GRIA3: variants seen among roughly 807,000 people sequenced by gnomAD.
The protein encoded by GRIA3 is glutamate ionotropic receptor AMPA type subunit 3.
In GRIA3, 3 loss-of-function variants were observed where a neutral mutation model predicts 63.0. The observed-to-expected ratio is 0.05, with a 90% confidence interval of 0.02 to 0.12. The LOEUF is 0.12. Ranked by LOEUF, GRIA3 falls within the 10% of genes least tolerant of loss-of-function variation. The pLI is 1.00. For synonymous variants in GRIA3, 274 were observed against 257.9 expected (o/e 1.06, Z -0.60); for missense variants, 347 against 700.9 (o/e 0.50, Z 5.70).
chrX:123,308,571 G>A (rs971675585), intron 3 of GRIA3, among the ~76,000 whole-genome samples: 1 of 111,841 alleles, frequency 8.9e-6, no homozygotes, highest in Non-Finnish European at 1.9e-5. Context: ...TTCATATTAA[G>A]GCTAAAAGAA....
intron 3 of GRIA3, among the ~76,000 whole-genome samples, chrX:123,273,074 T>C (rs890385195): frequency 1.8e-5 from 2 of 111,803 alleles, no homozygotes; most frequent in Non-Finnish European, 3.8e-5. Flanking sequence ...GGATCAGTCG[T>C]TGGCAAAATG....
chrX:123,223,293 G>T (rs1029737531), intron 2 of GRIA3, among the ~76,000 whole-genome samples: 1 of 112,732 alleles, frequency 8.9e-6, no homozygotes, highest in African/African-American at 3.2e-5. Flanking sequence ...AGATACGCAG[G>T]AGTTTTATAA....
intron 3 of GRIA3, among the ~76,000 whole-genome samples, chrX:123,262,838 G>A (rs1162758831): frequency 2.7e-5 from 3 of 111,143 alleles, no homozygotes; most frequent in Non-Finnish European, 5.7e-5. Flanking sequence ...CCACAGAACT[G>A]CCTCCCCTAG....
chrX:123,426,375 C>G (rs1311560879), intron 11 of GRIA3, among the ~76,000 whole-genome samples: 1 of 111,912 alleles, frequency 8.9e-6, no homozygotes, highest in Non-Finnish European at 1.9e-5. Context: ...TGGTCCCTGT[C>G]TCTGAGGAAC....
intron 10 of GRIA3, among the ~76,000 whole-genome samples, chrX:123,411,976 A>C (rs2045509143): frequency 9.0e-6 from 1 of 111,360 alleles, no homozygotes; most frequent in African/African-American, 3.3e-5. Context: ...GTTGAGTCAG[A>C]ATTTCACCTA....
intron 3 of GRIA3, among the ~76,000 whole-genome samples, chrX:123,260,600 T>A (rs950606345): frequency 3.8e-5 from 4 of 106,223 alleles, no homozygotes; most frequent in Non-Finnish European, 7.8e-5. Flanking sequence ...CTTTAAGAAC[T>A]GATTAAAAGA....
At chrX:123,319,814 A>AG (rs1471322395) in intron 3 of GRIA3, among the ~76,000 whole-genome samples, 4 of 84,725 alleles carry the variant, frequency 4.7e-5, no homozygotes, top group Non-Finnish European at 2.5e-5. Context: ...AGAACACCTC[A>AG]GGAAAAAAAA....
At chrX:123,391,994 C>T (rs1455952784) in intron 5 of GRIA3, among the ~76,000 whole-genome samples, 4 of 111,893 alleles carry the variant, frequency 3.6e-5, no homozygotes, top group Non-Finnish European at 7.5e-5. Context: ...GGAGTAGAGC[C>T]AGGCCATCTG....
chrX:123,232,309 G>C (rs778686878), intron 2 of GRIA3, among the ~76,000 whole-genome samples: 17 of 111,486 alleles, frequency 1.5e-4, no homozygotes, highest in Non-Finnish European at 2.6e-4. Flanking sequence ...CAAATGAAAA[G>C]GGGTAATTCT....
chrX:123,399,768 C>T (rs1361519382), intron 7 of GRIA3, among the ~76,000 whole-genome samples: 4 of 111,995 alleles, frequency 3.6e-5, no homozygotes, highest in Non-Finnish European at 1.9e-5. Context: ...TCATAACATA[C>T]ATCATTTTGT....
intron 5 of GRIA3, among the ~76,000 whole-genome samples, chrX:123,360,002 A>G (rs1327635489): frequency 1.8e-5 from 2 of 112,294 alleles, no homozygotes; most frequent in Non-Finnish European, 1.9e-5. Context: ...AAGTTCATCT[A>G]TCTTATATTC....
chrX:123,358,076 G>C (rs766066297), intron 5 of GRIA3, among the ~76,000 whole-genome samples: 7 of 111,255 alleles, frequency 6.3e-5, no homozygotes, highest in African/African-American at 2.3e-4. Flanking sequence ...GACAGACAGA[G>C]AGAGAGAGAG....
At chrX:123,388,011 T>C (rs1393565640) in intron 5 of GRIA3, among the ~76,000 whole-genome samples, 2 of 112,039 alleles carry the variant, frequency 1.8e-5, no homozygotes, top group African/African-American at 6.5e-5. Flanking sequence ...TTGGTATTAG[T>C]TCTTCTTTGT....
intron 7 of GRIA3, among the ~76,000 whole-genome samples, chrX:123,401,645 T>G (rs2045444162): frequency 8.9e-6 from 1 of 112,023 alleles, no homozygotes; most frequent in Admixed American, 9.5e-5. Context: ...AGCATTTTCC[T>G]TTCAACAGGA....
At chrX:123,211,239 GGTGCTATAC>G (rs1319345303) in intron 2 of GRIA3, among the ~76,000 whole-genome samples, 4 of 111,131 alleles carry the variant, frequency 3.6e-5, no homozygotes, top group Non-Finnish European at 7.6e-5. Flanking sequence ...CCATATTTTA[GGTGCTATAC>G]GTGATACTGC....
chrX:123,194,248 T>C (rs1927516756), intron 2 of GRIA3, among the ~76,000 whole-genome samples: 1 of 110,367 alleles, frequency 9.1e-6, no homozygotes, highest in Non-Finnish European at 1.9e-5. Flanking sequence ...ATTTAAGCTT[T>C]TAAAAATTGT....
At chrX:123,400,386 G>T (rs1394669152) in intron 7 of GRIA3, among the ~76,000 whole-genome samples, 2 of 111,711 alleles carry the variant, frequency 1.8e-5, no homozygotes, top group Non-Finnish European at 3.8e-5. Context: ...TATTGCTCCA[G>T]AGAGGCTGGA....
intron 3 of GRIA3, among the ~76,000 whole-genome samples, chrX:123,285,315 A>G (rs1331474125): frequency 1.8e-5 from 2 of 110,705 alleles, no homozygotes; most frequent in Non-Finnish European, 3.8e-5. Flanking sequence ...TGTAAAGACC[A>G]TTGACACTAT....
intron 3 of GRIA3, among the ~76,000 whole-genome samples, chrX:123,310,723 C>T (rs756636727): frequency 4.0e-4 from 45 of 112,621 alleles, no homozygotes; most frequent in Non-Finnish European, 6.9e-4. Context: ...GAATTCTCAA[C>T]CAGGCATGGT....
Sources: gnomAD v4.1 joint callset for allele counts (sites outside exome capture counted in the v4.1 genomes callset) on GRCh38, gnomAD v4.1.1 for gene constraint, MANE v1.5 for transcripts, NCBI Gene and HGNC (gene_info 2026-07-23, HGNC 2026-07-21) for gene names.